Variants in SMYD3 observed in about 807,000 individuals in gnomAD.
The protein encoded by SMYD3 is SET and MYND domain containing 3.
In SMYD3, 36 loss-of-function variants were observed where a neutral mutation model predicts 57.7. The observed-to-expected ratio is 0.62, with a 90% CI of 0.48 to 0.82. SMYD3 has a LOEUF of 0.82. Ranked by LOEUF, SMYD3 falls within the 40% of genes least tolerant of loss-of-function variation. The pLI is 0.00. For missense variants in SMYD3, 515 were observed against 538.8 expected (o/e 0.96, Z 0.44); for synonymous variants, 211 against 195.0 (o/e 1.08, Z -0.68).
chr1:246,049,419 C>T (rs1048314227), intron 5 of SMYD3, among the ~76,000 whole-genome samples: 15 of 152,000 alleles, frequency 9.9e-5, no homozygotes, highest in African/African-American at 3.6e-4. Flanking sequence ...GCCTCAGCCT[C>T]CCCAGTAGCT....
chr1:246,437,327 A>G (rs1003352711), intron 1 of SMYD3, among the ~76,000 whole-genome samples: 2 of 152,176 alleles, frequency 1.3e-5, no homozygotes, highest in African/African-American at 4.8e-5. Context: ...CACAGTTCCC[A>G]GGGTCTTCAC....
intron 10 of SMYD3, among the ~76,000 whole-genome samples, chr1:245,775,276 G>A (rs571558042): frequency 2.7e-5 from 4 of 146,956 alleles, no homozygotes; most frequent in Admixed American, 1.3e-4. Flanking sequence ...CGAGTGGAAG[G>A]GGGGAAGTGT....
intron 5 of SMYD3, among the ~76,000 whole-genome samples, chr1:246,026,671 G>C (rs767461707): frequency 3.3e-5 from 5 of 152,190 alleles, no homozygotes; most frequent in Non-Finnish European, 7.3e-5. Flanking sequence ...CTTAATCCAT[G>C]AATGTGTGCA....
chr1:246,475,655 C>T (rs2068020876), intron 1 of SMYD3, among the ~76,000 whole-genome samples: 1 of 152,000 alleles, frequency 6.6e-6, no homozygotes, highest in Non-Finnish European at 1.5e-5. Context: ...CATTGTATTG[C>T]CCAGAGTGGA....
chr1:245,803,228 G>A (rs1191877529), intron 10 of SMYD3, among the ~76,000 whole-genome samples: 1 of 152,198 alleles, frequency 6.6e-6, no homozygotes, highest in Non-Finnish European at 1.5e-5. Context: ...TGCCGTATGT[G>A]CAAGCACTCT....
At chr1:245,977,049 GGCCCAGGGAAAGCCATCGTCTC>G (rs2058459857) in intron 5 of SMYD3, among the ~76,000 whole-genome samples, 9 of 10,006 alleles carry the variant, frequency 9.0e-4, no homozygotes, top group African/African-American at 1.7e-3. Context: ...CATCGTCTCC[GGCCCAGGGAAAGCCATCGTCTC>G]TAGCCTATGT....
intron 1 of SMYD3, among the ~76,000 whole-genome samples, chr1:246,370,321 T>C (rs1009303482): frequency 3.9e-5 from 6 of 152,086 alleles, no homozygotes; most frequent in African/African-American, 1.4e-4. Context: ...TACAAAACCA[T>C]TTTTTGAGAA....
intron 10 of SMYD3, among the ~76,000 whole-genome samples, chr1:245,786,808 C>T (rs58619450): frequency 0.069 from 10,460 of 152,074 alleles, 582 homozygotes; most frequent in East Asian, 0.23. Context: ...TCTAAATAAA[C>T]GGTAGAATAC....
At chr1:245,867,219 A>G (rs2051905668) in intron 8 of SMYD3, among the ~76,000 whole-genome samples, 1 of 152,208 alleles carries the variant, frequency 6.6e-6, no homozygotes, top group Admixed American at 6.5e-5. Context: ...TGTGAGAAGA[A>G]CTTAACCAGA....
chr1:245,887,202 C>A (rs1172250743), intron 8 of SMYD3, among the ~76,000 whole-genome samples: 1 of 152,100 alleles, frequency 6.6e-6, no homozygotes, highest in African/African-American at 2.4e-5. Flanking sequence ...CTGGCCAAAT[C>A]CTACCAAAAC....
chr1:246,090,781 C>T (rs959147699), intron 5 of SMYD3, among the ~76,000 whole-genome samples: 7 of 152,030 alleles, frequency 4.6e-5, no homozygotes, highest in Admixed American at 2.6e-4. Flanking sequence ...CCTCCCAAAG[C>T]GCTGGGATTA....
intron 1 of SMYD3, among the ~76,000 whole-genome samples, chr1:246,398,313 A>G (rs1289399622): frequency 6.6e-6 from 1 of 152,232 alleles, no homozygotes; most frequent in Non-Finnish European, 1.5e-5. Context: ...CTCCAAGGTT[A>G]AACGACACAC....
At chr1:245,791,440 T>C (rs1406110763) in intron 10 of SMYD3, among the ~76,000 whole-genome samples, 1 of 152,128 alleles carries the variant, frequency 6.6e-6, no homozygotes, top group Non-Finnish European at 1.5e-5. Flanking sequence ...AGTCTCAAAC[T>C]CAGGGCATGG....
intron 1 of SMYD3, among the ~76,000 whole-genome samples, chr1:246,358,702 C>G (rs1264818481): frequency 2.0e-5 from 3 of 152,164 alleles, no homozygotes; most frequent in African/African-American, 7.2e-5. Context: ...AAATAACCTG[C>G]TCCTGGATGA....
At chr1:245,851,292 T>C (rs1234260299) in intron 10 of SMYD3, among the ~76,000 whole-genome samples, 3 of 152,222 alleles carry the variant, frequency 2.0e-5, no homozygotes, top group African/African-American at 7.2e-5. Context: ...CTGTTTCGTT[T>C]ACCACAGTGC....
intron 8 of SMYD3, among the ~76,000 whole-genome samples, chr1:245,900,656 C>A (rs1425607893): frequency 1.3e-5 from 2 of 152,182 alleles, no homozygotes; most frequent in Non-Finnish European, 2.9e-5. Flanking sequence ...ATAGCCAAAT[C>A]CTTTCCTAAT....
intron 5 of SMYD3, among the ~76,000 whole-genome samples, chr1:246,116,678 T>G (rs114130354): frequency 0.016 from 2,505 of 152,296 alleles, 73 homozygotes; most frequent in African/African-American, 0.058. Context: ...TAATGAGAAA[T>G]AGAACAGCTT....
chr1:245,974,257 C>T (rs1434657225), intron 5 of SMYD3, among the ~76,000 whole-genome samples: 2 of 152,180 alleles, frequency 1.3e-5, no homozygotes, highest in Non-Finnish European at 2.9e-5. Context: ...TGCCCCCAAA[C>T]CTACTCCTTA....
intron 10 of SMYD3, among the ~76,000 whole-genome samples, chr1:245,855,129 T>C (rs1446790552): frequency 6.6e-6 from 1 of 152,226 alleles, no homozygotes; most frequent in Non-Finnish European, 1.5e-5. Context: ...CCTACAAGCA[T>C]ATGTTAATCT....
Sources: allele counts gnomAD v4.1 joint callset (sites outside exome capture counted in the v4.1 genomes callset), GRCh38; gene constraint gnomAD v4.1.1; transcripts MANE v1.5; gene names NCBI Gene and HGNC (gene_info 2026-07-23, HGNC 2026-07-21).